The following CYS1 variants were observed in gnomAD, a reference collection of about 807,000 sequenced individuals.
CYS1 encodes the protein cystin-1.
In CYS1, 5 loss-of-function variants were observed where a neutral mutation model predicts 9.6. That is an observed-to-expected ratio of 0.52 (90% CI 0.27 to 1.10). The LOEUF is 1.10. Ranked by LOEUF, CYS1 falls within the 50% of genes least tolerant of loss-of-function variation. CYS1 has a pLI of 0.11. For synonymous variants in CYS1, 88 were observed against 95.7 expected, an observed-to-expected ratio of 0.92 and a Z score of 0.47; for missense variants, 221 against 207.9, an observed-to-expected ratio of 1.06 and a Z score of -0.39.
chr2:10,061,256 A>AAC (rs1661622618), intron 2 of CYS1, among the ~76,000 whole-genome samples: 2 of 151,730 alleles, frequency 1.3e-5, no homozygotes, highest in African/African-American at 2.4e-5. Flanking sequence ...AACCAACCAA[A>AAC]CAAACAAACA....
rs750142139 is a variant in CYS1, at chr2:10,065,819, G to A, written c.371+85C>T. 1.0e-5 allele frequency: 14 copies of A among 1,347,308 alleles called. No homozygotes were observed. In the African/African-American group the frequency reaches 1.3e-4, roughly 12 times the overall value. 83.5% of individuals were successfully genotyped at this position (1,347,308 alleles called of 1,614,324 possible). ...ACCTCGTGAGGACCTGGAGGAAAGT[G>A]GGGGACAGGAGGGCTCTGAGGCTGG... is the stretch of plus-strand genomic sequence containing the variant. On this transcript the variant is annotated intron_variant, in intron 2 of 2. Coordinates refer to ENST00000381813, the MANE Select transcript of CYS1 (RefSeq NM_001037160.3).
Position 10,057,040 on chromosome 2 carries a change from T to C in CYS1, c.*1813A>G, listed in dbSNP as rs1661560671. The C allele has an allele frequency of 6.6e-6, 1 of 152,258 alleles. No homozygotes were observed. Among genetic ancestry groups the C allele is most frequent in the Non-Finnish European group, 1.5e-5 (1 of 68,044 alleles). 9.4% of individuals were successfully genotyped at this position (152,258 alleles called of 1,614,324 possible). A position where few individuals can be genotyped will look rare whatever the true frequency, so the allele number is the denominator to read the frequency against. Reference sequence around the variant, plus strand: ...AACACTTTGATCTCATTAAGGGTATTACACCTTTTCCACCAGAAAATGCAG... The same window carrying C: ...AACACTTTGATCTCATTAAGGGTATCACACCTTTTCCACCAGAAAATGCAG... On this transcript the variant is annotated 3_prime_UTR_variant, in exon 3 of 3. Transcript: ENST00000381813.
intron 1 of CYS1, among the ~76,000 whole-genome samples, chr2:10,073,266 G>A (rs1572460068): frequency 6.7e-6 from 1 of 149,568 alleles, no homozygotes; most frequent in East Asian, 2.0e-4. Context: ...CCACTGGGAA[G>A]GCCTTGCCTT....
intron 1 of CYS1, among the ~76,000 whole-genome samples, chr2:10,073,966 C>A (rs893641590): frequency 1.3e-5 from 2 of 152,208 alleles, no homozygotes; most frequent in African/African-American, 4.8e-5. Context: ...TCTGAGGCTG[C>A]CCGCTCCTCC....
At chr2:10,075,814 C>T (rs80271048) in intron 1 of CYS1, among the ~76,000 whole-genome samples, 11 of 152,292 alleles carry the variant, frequency 7.2e-5, no homozygotes, top group Admixed American at 3.3e-4. Flanking sequence ...TCTCAGATAA[C>T]GTACTTCCCT....
At chr2:10,074,616 C>T (rs1661817985) in intron 1 of CYS1, among the ~76,000 whole-genome samples, 2 of 152,168 alleles carry the variant, frequency 1.3e-5, no homozygotes, top group Non-Finnish European at 2.9e-5. Context: ...CCCTCATGTG[C>T]CTGTGTATTA....
At position 10,079,388 on chromosome 2, in the gene CYS1, G is replaced by GT. The variant is rs576221042; in HGVS notation, c.318+517dup. ...GCCAAACCAGAGTGCTTGTTTTATT[G>GT]TTTTTTTAGAACAGCAGGACTGTTA... On this transcript the variant is annotated intron_variant, in intron 1 of 2. Coordinates refer to ENST00000381813, the MANE Select transcript of CYS1 (RefSeq NM_001037160.3). Among the ~76,000 whole-genome samples, 14 of 152,320 alleles carry GT rather than the reference G, an allele frequency of 9.2e-5. No homozygotes were observed. The East Asian group carries it at 1.7e-3, about 19-fold the overall frequency.
chr2:10,071,731 C>T (rs546062500), intron 1 of CYS1, among the ~76,000 whole-genome samples: 1 of 152,300 alleles, frequency 6.6e-6, no homozygotes, highest in East Asian at 1.9e-4. Flanking sequence ...ACACAGCAGC[C>T]CCAGATGGTG....
intron 1 of CYS1, among the ~76,000 whole-genome samples, chr2:10,072,240 AC>A (rs1251845333): frequency 1.3e-5 from 2 of 151,966 alleles, no homozygotes; most frequent in African/African-American, 4.8e-5. Context: ...CCGCCACCAC[AC>A]CTGGCTAATT....
chr2:10,069,674 A>G (rs894420385), intron 1 of CYS1, among the ~76,000 whole-genome samples: 2 of 152,146 alleles, frequency 1.3e-5, no homozygotes, highest in Non-Finnish European at 2.9e-5. Flanking sequence ...GCCGAAAAAA[A>G]TATTTAAAAA....
intron 2 of CYS1, among the ~76,000 whole-genome samples, chr2:10,065,573 C>A (rs1256198935): frequency 6.6e-6 from 1 of 152,242 alleles, no homozygotes; most frequent in Non-Finnish European, 1.5e-5. Flanking sequence ...TGTCTTGTTC[C>A]TAGATCTGGC....
At chr2:10,070,832 C>T (rs940375287) in intron 1 of CYS1, among the ~76,000 whole-genome samples, 8 of 151,592 alleles carry the variant, frequency 5.3e-5, no homozygotes, top group Admixed American at 2.0e-4. Flanking sequence ...TTTGTAGAGA[C>T]GAAGTCTCCC....
At chr2:10,060,800 G>A (rs1290197131) in intron 2 of CYS1, among the ~76,000 whole-genome samples, 1 of 152,264 alleles carries the variant, frequency 6.6e-6, no homozygotes, top group South Asian at 2.1e-4. Context: ...TCACGCCCCT[G>A]TGGATAAAAC....
intron 1 of CYS1, 132 bp downstream of exon 1, chr2:10,079,774 G>A: frequency 4.2e-6 from 2 of 478,354 alleles, no homozygotes; most frequent in Non-Finnish European, 5.7e-6. Flanking sequence ...GGAGGCCGGG[G>A]CAGCGGGGAG....
chr2:10,058,665 C>T lies in CYS1; in HGVS notation c.*188G>A. 3 of 533,142 alleles carry T rather than the reference C, an allele frequency of 5.6e-6. No individual in the cohort carries two copies. The highest frequency in any genetic ancestry group is 9.9e-6 in the Non-Finnish European group (3 of 302,648). 33.0% of individuals were successfully genotyped at this position (533,142 alleles called of 1,614,324 possible). ...CTACACAGCTAATCGCCCCCACCAG[C>T]AACCATGACCGCCAGTGGCTGGCCC... is the stretch of plus-strand genomic sequence containing the variant. On this transcript the variant is annotated 3_prime_UTR_variant, in exon 3 of 3. Coordinates refer to ENST00000381813, the MANE Select transcript of CYS1 (RefSeq NM_001037160.3).
rs544790869 is a variant in CYS1, at chr2:10,056,602, C to T, written c.*2251G>A. Among the ~76,000 whole-genome samples the T allele has an allele frequency of 1.3e-5, 2 of 152,262 alleles. No individual in the cohort carries two copies. The highest frequency in any genetic ancestry group is 2.9e-5 in the Non-Finnish European group (2 of 68,050). ...GAGCAAATCCCACACGCAGTTCTAGCAGGACGCTGAGGCTCAGCTGCAACA... is the reference window on the plus strand; with the variant it reads ...GAGCAAATCCCACACGCAGTTCTAGTAGGACGCTGAGGCTCAGCTGCAACA... On this transcript the variant is annotated 3_prime_UTR_variant, in exon 3 of 3. Transcript: ENST00000381813.
rs1189450361 is a variant in CYS1, at chr2:10,079,963, C to T, written c.261G>A (p.Pro87=). ...GGGCTGGGCGGCGCGGGGCGGGCTC[C>T]GGGGGGCCCCAGGCCGCCGACTCGG... ...LLAESAAWGP[P]EPAPRRPARL... Residue 87 remains proline (P), a synonymous_variant, in exon 1 of 3, where the codon CCG becomes CCA. Coordinates refer to ENST00000381813, the MANE Select transcript of CYS1 (RefSeq NM_001037160.3). 12 of 1,113,338 alleles carry T rather than the reference C, an allele frequency of 1.1e-5. No homozygotes were observed. The highest frequency in any genetic ancestry group is 1.1e-5 in the Non-Finnish European group (10 of 912,292). 69.0% of individuals were successfully genotyped at this position (1,113,338 alleles called of 1,614,324 possible).
At chr2:10,071,255 C>T (rs1307323449) in intron 1 of CYS1, among the ~76,000 whole-genome samples, 3 of 152,378 alleles carry the variant, frequency 2.0e-5, no homozygotes, top group Non-Finnish European at 4.4e-5. Flanking sequence ...GCGTGAGCCA[C>T]CGTGCCCGGC....
chr2:10,074,998 G>A (rs1661822642), intron 1 of CYS1, among the ~76,000 whole-genome samples: 1 of 152,156 alleles, frequency 6.6e-6, no homozygotes, highest in African/African-American at 2.4e-5. Context: ...TGTAGTCCCA[G>A]CTACTCAGGA....
Sources: allele counts gnomAD v4.1 joint callset (sites outside exome capture counted in the v4.1 genomes callset), GRCh38; gene constraint gnomAD v4.1.1; transcripts MANE v1.5; gene names NCBI Gene and HGNC (gene_info 2026-07-23, HGNC 2026-07-21).